The following KDM6A variants were observed in gnomAD, a reference collection of about 807,000 sequenced individuals.
KDM6A encodes the protein lysine demethylase 6A.
A neutral mutation model predicts 117.6 loss-of-function variants in KDM6A; 11 were observed. That is an observed-to-expected ratio of 0.09 (90% CI 0.06 to 0.15). The LOEUF is 0.15. Ranked by LOEUF, KDM6A falls within the 10% of genes least tolerant of loss-of-function variation. The pLI, the probability that KDM6A is intolerant of heterozygous loss-of-function variation, is 1.00. For missense variants in KDM6A, 799 were observed against 1,077.3 expected, an observed-to-expected ratio of 0.74 and a Z score of 3.62; for synonymous variants, 384 against 396.1, an observed-to-expected ratio of 0.97 and a Z score of 0.36.
chrX:45,059,851 A>G (rs1248869371), intron 12 of KDM6A, among the ~76,000 whole-genome samples, 171 bp from the exon 13 acceptor site: 1 of 111,922 alleles, frequency 8.9e-6, no homozygotes, highest in Admixed American at 9.5e-5. Flanking sequence ...TGATTCTCAC[A>G]AAGGTTTATA....
chrX:44,986,126 G>C (rs1769011472), intron 4 of KDM6A, among the ~76,000 whole-genome samples: 1 of 111,506 alleles, frequency 9.0e-6, no homozygotes, highest in Non-Finnish European at 1.9e-5. Context: ...CTTCTTCCTG[G>C]TTTAGTCTTG....
chrX:44,965,784 A>T (rs1035850615), intron 3 of KDM6A, among the ~76,000 whole-genome samples: 10 of 112,578 alleles, frequency 8.9e-5, no homozygotes, highest in Non-Finnish European at 1.9e-4. Context: ...TTAAGTGAGC[A>T]CATGGCTGTT....
intron 2 of KDM6A, among the ~76,000 whole-genome samples, chrX:44,922,883 G>A (rs1217753692): frequency 9.2e-6 from 1 of 109,031 alleles, no homozygotes; most frequent in African/African-American, 3.5e-5. Flanking sequence ...CCTTTATGTA[G>A]ATTTAAATTT....
At chrX:45,065,504 A>G (rs1356588496) in intron 17 of KDM6A, among the ~76,000 whole-genome samples, 2 of 111,998 alleles carry the variant, frequency 1.8e-5, no homozygotes, top group African/African-American at 6.5e-5. Context: ...CAAAAGTAGA[A>G]ATGGTATGAC....
chrX:45,100,147 G>A (rs932180993), intron 27 of KDM6A, among the ~76,000 whole-genome samples: 5 of 111,515 alleles, frequency 4.5e-5, no homozygotes, highest in African/African-American at 1.6e-4. Context: ...GACGCTTTAC[G>A]TCATTTTCAT....
At chrX:44,986,783 T>G (rs2040250633) in intron 4 of KDM6A, among the ~76,000 whole-genome samples, 1 of 112,150 alleles carries the variant, frequency 8.9e-6, no homozygotes, top group Non-Finnish European at 1.9e-5. Flanking sequence ...AGAGAGTTTG[T>G]TATAATTTCT....
intron 15 of KDM6A, 55 bp from the exon 16 acceptor site, chrX:45,062,592 G>A (rs2044347122): frequency 2.2e-6 from 2 of 918,006 alleles, no homozygotes; most frequent in South Asian, 2.0e-5. Flanking sequence ...TTAGAATAAT[G>A]ATCTTATTTC....
Position 45,063,550 on chromosome X carries a change from C to T in KDM6A, c.1812C>T (p.Ser604=), listed in dbSNP as rs776420271. The T allele has an allele frequency of 3.3e-5, 40 of 1,209,765 alleles. No homozygotes were observed. The highest frequency in any genetic ancestry group is 2.3e-4 in the Middle Eastern group (1 of 4,375). The change falls in exon 17 of 30, where the codon AGC becomes AGT. Residue 604 remains serine (S), a synonymous_variant. Transcript: ENST00000611820. ...AGCTTGCTCTGACCAGAGTGCCTAG[C>T]GTCTCTCAGCCTGGAGTCCGTCCTG... is the stretch of plus-strand genomic sequence containing the variant. ...QPQLALTRVP[S]VSQPGVRPAC...
At chrX:45,103,890 C>T (rs749846058) in intron 27 of KDM6A, among the ~76,000 whole-genome samples, 2 of 112,314 alleles carry the variant, frequency 1.8e-5, no homozygotes, top group African/African-American at 3.2e-5. Flanking sequence ...CAAAGAATTT[C>T]CTGCTTTTCT....
At position 45,037,912 on chromosome X, in the gene KDM6A, T is replaced by C. The variant is rs754562176; in HGVS notation, c.654+223T>C. ...CTGTGTACAAATTAATTCCATTTAA[T>C]ATTTTCCTTTAAACTTGATCCATTT... On this transcript the variant is annotated intron_variant, in intron 8 of 29. Transcript: ENST00000611820. Among the ~76,000 whole-genome samples the C allele has an allele frequency of 1.2e-3, 137 of 112,013 alleles. 1 individual carries two copies. Among genetic ancestry groups the C allele is most frequent in the South Asian group, 4.8e-3 (13 of 2,726 alleles).
intron 2 of KDM6A, among the ~76,000 whole-genome samples, chrX:44,876,880 C>T (rs757429711): frequency 1.9e-4 from 21 of 110,757 alleles, no homozygotes; most frequent in Non-Finnish European, 2.5e-4. Flanking sequence ...CACACGTGTA[C>T]ATATACATAT....
At chrX:44,927,561 G>T (rs748615575) in intron 2 of KDM6A, among the ~76,000 whole-genome samples, 2 of 110,196 alleles carry the variant, frequency 1.8e-5, no homozygotes, top group Non-Finnish European at 3.8e-5. Context: ...GAGCAGAGAG[G>T]CCTCCAGCTG....
intron 2 of KDM6A, among the ~76,000 whole-genome samples, chrX:44,895,736 G>T (rs2033792046): frequency 9.2e-6 from 1 of 108,296 alleles, no homozygotes; most frequent in Admixed American, 1.0e-4. Flanking sequence ...AAATTTCTTT[G>T]ATCCATGGAG....
intron 6 of KDM6A, among the ~76,000 whole-genome samples, chrX:45,027,531 T>C (rs1325953136): frequency 9.0e-6 from 1 of 111,429 alleles, no homozygotes; most frequent in African/African-American, 3.3e-5. Context: ...ATCTCACTCA[T>C]ATGACTCAAT....
intron 4 of KDM6A, among the ~76,000 whole-genome samples, chrX:44,977,310 G>T (rs766126113): frequency 9.0e-6 from 1 of 111,348 alleles, no homozygotes; most frequent in African/African-American, 3.3e-5. Flanking sequence ...GTGGAGTGCA[G>T]TGGTGCAATC....
In KDM6A at chrX:45,059,413, A is replaced by T. The variant is rs1210822090; in HGVS notation, c.1141A>T (p.Ser381Cys). The T allele has an allele frequency of 8.3e-7, 1 of 1,211,221 alleles. No individual in the cohort carries two copies. The highest frequency in any genetic ancestry group is 2.2e-5 in the Admixed American group (1 of 45,960). ...TAAATGCTACTTAAATGCAACTAGA[A>T]GCAAAAGTTGTAGTAATACCTCTGC... is the stretch of plus-strand genomic sequence containing the variant. ...AIKCYLNATRSKSCSNTSALA... is the reference protein window; with the variant it reads ...AIKCYLNATRCKSCSNTSALA... Residue 381 changes from serine (S) to cysteine (C), a missense_variant, in exon 12 of 30, where the codon AGC (serine) becomes TGC (cysteine). By Grantham distance (112) the Ser-to-Cys change is moderately radical. Around this residue, in one of 8 missense-constraint regions of KDM6A, gnomAD observed 36 missense variants for 44.4 expected, o/e 0.81. Transcript: ENST00000611820.
intron 4 of KDM6A, among the ~76,000 whole-genome samples, chrX:45,000,938 T>C (rs952089665): frequency 1.8e-5 from 2 of 113,101 alleles, no homozygotes; most frequent in Non-Finnish European, 1.9e-5. Flanking sequence ...AGCATAGCAA[T>C]TGCTTTTGTT....
intron 17 of KDM6A, among the ~76,000 whole-genome samples, chrX:45,069,116 G>T (rs1413741425): frequency 8.9e-6 from 1 of 111,759 alleles, no homozygotes; most frequent in Non-Finnish European, 1.9e-5. Flanking sequence ...TTAACAATAG[G>T]ATTTGAATTA....
rs745694052 is a variant in KDM6A, at chrX:44,873,358, T to A, written c.-194T>A. 1 of 518,374 alleles carries A rather than the reference T, an allele frequency of 1.9e-6. No homozygotes were observed. The allele number at this position is 518,374 out of a possible 1,213,427, so 42.7% of individuals were successfully genotyped here. A position where few individuals can be genotyped will look rare whatever the true frequency, so the allele number is the denominator to read the frequency against. On this transcript the variant is annotated 5_prime_UTR_variant, in exon 1 of 30. Transcript: ENST00000611820. The stretch of plus-strand genomic sequence containing the variant: ...AAGCCGCCGCTGCCGACCCGGGGGC[T>A]CCGCAGCCCCTGCCGCCGCCGCCGC...
Sources: allele counts gnomAD v4.1 joint callset (sites outside exome capture counted in the v4.1 genomes callset), GRCh38; gene constraint gnomAD v4.1.1; regional missense constraint gnomAD v4.1.1; transcripts MANE v1.5; gene names NCBI Gene and HGNC (gene_info 2026-07-23, HGNC 2026-07-21).